The following PPP1R14C variants were observed in gnomAD, a reference collection of about 807,000 sequenced individuals.
PPP1R14C encodes the protein protein phosphatase 1 regulatory inhibitor subunit 14C, also known as protein phosphatase 1 regulatory subunit 14C.
A neutral mutation model predicts 20.4 loss-of-function variants in PPP1R14C; 16 were observed. That is an observed-to-expected ratio of 0.78 (90% CI 0.53 to 1.19). The LOEUF is 1.19. PPP1R14C is among the 50% of genes most tolerant of loss of function. The pLI is 0.00. For missense variants in PPP1R14C, 211 were observed against 220.1 expected (o/e 0.96, Z 0.26); for synonymous variants, 91 against 91.0 (o/e 1.00, Z 0.00).
intron 1 of PPP1R14C, among the ~76,000 whole-genome samples, chr6:150,180,640 T>C (rs1310852004): frequency 6.6e-6 from 1 of 152,006 alleles, no homozygotes; most frequent in African/African-American, 2.4e-5. Flanking sequence ...CTTGGAAGAG[T>C]TGTTTTAGGC....
chr6:150,236,612 A>AGTGTGTGTGTGTGTGTGT (rs1778363289), intron 3 of PPP1R14C, among the ~76,000 whole-genome samples: 1 of 76,070 alleles, frequency 1.3e-5, no homozygotes, highest in African/African-American at 9.0e-5. Context: ...GGTTGGTGCC[A>AGTGTGTGTGTGTGTGTGT]CTGTGTGTGT....
chr6:150,157,167 G>A (rs538100013), intron 1 of PPP1R14C, among the ~76,000 whole-genome samples: 9 of 152,298 alleles, frequency 5.9e-5, no homozygotes, highest in African/African-American at 2.2e-4. Flanking sequence ...TCTGAAGGAA[G>A]GCAAAGAATG....
intron 3 of PPP1R14C, among the ~76,000 whole-genome samples, chr6:150,227,390 T>C (rs1049180122): frequency 3.3e-5 from 5 of 152,222 alleles, no homozygotes; most frequent in Admixed American, 6.5e-5. Flanking sequence ...GAAATTTAAA[T>C]GTTCAAAGAA....
chr6:150,237,680 C>A lies in PPP1R14C; in HGVS notation c.424-11066C>A, dbSNP rs192292950. Among the ~76,000 whole-genome samples, 33 of 152,250 alleles carry A rather than the reference C, an allele frequency of 2.2e-4. No homozygotes were observed. The East Asian group carries it at 6.0e-3, about 28-fold the overall frequency. On this transcript the variant is annotated intron_variant, in intron 3 of 3. Coordinates refer to ENST00000361131, the MANE Select transcript of PPP1R14C (RefSeq NM_030949.3). ...TCTCATCATTTAATCCTTACAGCAT[C>A]CTTGAGGTGAGGTCTTATTGTCATT...
intron 1 of PPP1R14C, among the ~76,000 whole-genome samples, chr6:150,158,653 G>A (rs1180684754): frequency 6.6e-6 from 1 of 152,082 alleles, no homozygotes; most frequent in African/African-American, 2.4e-5. Context: ...TATCTGTTTT[G>A]TGCAATGCAC....
intron 1 of PPP1R14C, among the ~76,000 whole-genome samples, chr6:150,155,930 C>A (rs1045905825): frequency 1.4e-5 from 2 of 138,638 alleles, no homozygotes; most frequent in Non-Finnish European, 3.0e-5. Flanking sequence ...GAGGCTGAGG[C>A]AAGAGAATCG....
rs1046509188 is a variant in PPP1R14C, at chr6:150,213,188, C to T, written c.307-1556C>T. On this transcript the variant is annotated intron_variant, in intron 1 of 3. Coordinates refer to ENST00000361131, the MANE Select transcript of PPP1R14C (RefSeq NM_030949.3). ...TTAAGAGCCAAGCAAAGGATCAAAA[C>T]GGAAATTCTCCACAGAAACAAGAAT... is the stretch of plus-strand genomic sequence containing the variant. Among the ~76,000 whole-genome samples, 7 of 152,140 alleles carry T rather than the reference C, an allele frequency of 4.6e-5. No homozygotes were observed. The South Asian group carries it at 1.0e-3, about 23-fold the overall frequency.
In PPP1R14C at chr6:150,195,384, A is replaced by G. The variant is rs532434021; in HGVS notation, c.307-19360A>G. Among the ~76,000 whole-genome samples the G allele has an allele frequency of 1.1e-4, 16 of 152,298 alleles. 1 individual carries two copies. In the South Asian group the frequency reaches 2.5e-3, roughly 24 times the overall value. On this transcript the variant is annotated intron_variant, in intron 1 of 3. Coordinates refer to ENST00000361131, the MANE Select transcript of PPP1R14C (RefSeq NM_030949.3). ...TTTGTTTTTGAGATAGAGTGTCGCT[A>G]TTGCCCAGGCTAGAAAGCAGTGGTG...
rs768253374 is a variant in PPP1R14C at position 150,216,844 on chromosome 6, C to G, written c.411C>G (p.Tyr137Ter). 6.2e-7 allele frequency: 1 copy of G among 1,603,314 alleles called. No individual in the cohort carries two copies. The highest frequency in any genetic ancestry group is 8.5e-7 in the Non-Finnish European group (1 of 1,174,296). The change falls in exon 3 of 4, where the codon TAC becomes TAG. Residue 137 changes from tyrosine (Y) to a stop codon, truncating the protein, a stop_gained. Transcript: ENST00000361131. LOFTEE classifies it high-confidence loss of function. ...SKLQEALVDC[Y>*]KPTEEFIKEL... The stretch of plus-strand genomic sequence containing the variant: ...TCTAGGAAGCTCTTGTAGACTGCTA[C>G]AAACCAACAGAGGTAAGCAAATCAC...
intron 1 of PPP1R14C, among the ~76,000 whole-genome samples, chr6:150,146,046 G>A (rs1422031994): frequency 2.0e-5 from 3 of 152,130 alleles, no homozygotes; most frequent in African/African-American, 7.2e-5. Context: ...AGTGTGCAGT[G>A]ACTAATCAGT....
intron 1 of PPP1R14C, among the ~76,000 whole-genome samples, chr6:150,187,324 G>A (rs80110546): frequency 0.013 from 1,966 of 149,450 alleles, 44 homozygotes; most frequent in African/African-American, 0.045. Context: ...TTTTAAGTTC[G>A]GGGTATAAGT....
intron 3 of PPP1R14C, among the ~76,000 whole-genome samples, chr6:150,241,828 A>C (rs1252170697): frequency 6.6e-6 from 1 of 152,196 alleles, no homozygotes; most frequent in African/African-American, 2.4e-5. Flanking sequence ...CGGAGGTTGC[A>C]ATGAGCCGAG....
Position 150,215,268 on chromosome 6 carries a change from T to C in PPP1R14C, c.390+441T>C, listed in dbSNP as rs1025836864. On this transcript the variant is annotated intron_variant, in intron 2 of 3. Coordinates refer to ENST00000361131, the MANE Select transcript of PPP1R14C (RefSeq NM_030949.3). ...TTTCTAAATATTGCTTATGACATAA[T>C]TCTATTTAGTAGACGATCTGTTCAT... Among the ~76,000 whole-genome samples the C allele has an allele frequency of 2.0e-5, 3 of 152,234 alleles. 1 individual carries two copies. Among genetic ancestry groups the C allele is most frequent in the South Asian group, 4.1e-4 (2 of 4,834 alleles).
intron 1 of PPP1R14C, among the ~76,000 whole-genome samples, chr6:150,145,283 G>A (rs886176155): frequency 3.9e-5 from 6 of 152,166 alleles, no homozygotes; most frequent in Admixed American, 2.6e-4. Flanking sequence ...TCCTTGTATT[G>A]TACTTTTCTT....
intron 1 of PPP1R14C, among the ~76,000 whole-genome samples, chr6:150,179,963 A>G (rs1366593245): frequency 6.6e-6 from 1 of 152,146 alleles, no homozygotes; most frequent in Non-Finnish European, 1.5e-5. Flanking sequence ...GCTGTTTGGG[A>G]GGCCGAGGGG....
chr6:150,234,850 A>G (rs1778339083), intron 3 of PPP1R14C, among the ~76,000 whole-genome samples: 1 of 76,056 alleles, frequency 1.3e-5, no homozygotes, highest in African/African-American at 4.2e-5. Context: ...CTCTGTCTCA[A>G]AAAAAAAAAA....
At chr6:150,194,423 C>T (rs1273828280) in intron 1 of PPP1R14C, 3 of 982,064 alleles carry the variant, frequency 3.1e-6, no homozygotes, top group Non-Finnish European at 3.6e-6. Flanking sequence ...AGAGTATGTA[C>T]AAAATGATAC....
intron 1 of PPP1R14C, among the ~76,000 whole-genome samples, chr6:150,152,878 C>T (rs1448494137): frequency 6.6e-6 from 1 of 152,136 alleles, no homozygotes; most frequent in African/African-American, 2.4e-5. Flanking sequence ...AAACGCTAGT[C>T]CCCAGAGTGA....
intron 1 of PPP1R14C, among the ~76,000 whole-genome samples, chr6:150,202,586 G>A (rs987145669): frequency 6.6e-6 from 1 of 152,216 alleles, no homozygotes; most frequent in Admixed American, 6.5e-5. Flanking sequence ...CTCCTTTGCC[G>A]CCGGGACAGC....
Sources: allele counts gnomAD v4.1 joint callset (sites outside exome capture counted in the v4.1 genomes callset), GRCh38; gene constraint gnomAD v4.1.1; transcripts MANE v1.5; gene names NCBI Gene and HGNC (gene_info 2026-07-23, HGNC 2026-07-21).